Variants in RAD51B observed in about 807,000 individuals in gnomAD.
RAD51B encodes DNA repair protein RAD51 homolog 2.
RAD51B carries 38 observed loss-of-function variants against 42.2 expected under a neutral mutation model. That is an observed-to-expected ratio of 0.90 (90% CI 0.70 to 1.18). The LOEUF is 1.18. Ranked by LOEUF, RAD51B falls within the 50% of genes most tolerant of loss-of-function variation. RAD51B has a pLI of 0.00. For synonymous variants in RAD51B, 154 were observed against 145.2 expected (o/e 1.06, Z -0.43); for missense variants, 373 against 400.7 (o/e 0.93, Z 0.59).
At chr14:68,009,896 A>G (rs139938103) in intron 7 of RAD51B, among the ~76,000 whole-genome samples, 1 of 152,004 alleles carries the variant, frequency 6.6e-6, no homozygotes, top group African/African-American at 2.4e-5. Flanking sequence ...TCTTATTCTC[A>G]TATGTAATAA....
chr14:68,018,754 AC>A (rs1414460310), intron 7 of RAD51B, among the ~76,000 whole-genome samples: 1 of 152,192 alleles, frequency 6.6e-6, no homozygotes, highest in African/African-American at 2.4e-5. Context: ...AAGTAGCAAA[AC>A]CTTTTAAATT....
At chr14:68,182,426 T>C (rs534151524) in intron 7 of RAD51B, among the ~76,000 whole-genome samples, 1 of 152,344 alleles carries the variant, frequency 6.6e-6, no homozygotes, top group East Asian at 1.9e-4. Context: ...AATATGTGAG[T>C]TCTGTAACTT....
chr14:68,128,928 C>G (rs2077829779), intron 7 of RAD51B, among the ~76,000 whole-genome samples: 1 of 152,094 alleles, frequency 6.6e-6, no homozygotes, highest in Admixed American at 6.5e-5. Context: ...AGGTATCTAG[C>G]CTTTTTCTCT....
chr14:68,599,336 T>C (rs938279177), downstream of RAD51B, among the ~76,000 whole-genome samples: 2 of 152,196 alleles, frequency 1.3e-5, no homozygotes, highest in African/African-American at 4.8e-5. Flanking sequence ...AGCATCCTCC[T>C]TCTCCAGCCA....
At chr14:67,860,349 A>G (rs1451033657) in intron 4 of RAD51B, among the ~76,000 whole-genome samples, 1 of 152,234 alleles carries the variant, frequency 6.6e-6, no homozygotes, top group Admixed American at 6.5e-5. Context: ...AAGATGTATC[A>G]GGGAAGATAT....
intron 4 of RAD51B, among the ~76,000 whole-genome samples, chr14:67,857,084 G>C (rs2042019956): frequency 6.6e-6 from 1 of 152,046 alleles, no homozygotes; most frequent in Non-Finnish European, 1.5e-5. Flanking sequence ...TTGGGTGCTA[G>C]AATTCAGAGC....
At chr14:68,595,072 C>G (rs73284054) in exon 11 of RAD51B, 2 of 1,067,960 alleles carry the variant, frequency 1.9e-6, no homozygotes, top group South Asian at 9.0e-5. Context: ...GCTCCTGAGC[C>G]GATGCCTTCC....
chr14:68,302,183 T>C (rs2081754964), intron 8 of RAD51B, among the ~76,000 whole-genome samples: 1 of 152,176 alleles, frequency 6.6e-6, no homozygotes, highest in Non-Finnish European at 1.5e-5. Context: ...TACCATCTGC[T>C]AGGTCATGTG....
chr14:68,180,207 G>A (rs1016604580), intron 7 of RAD51B, among the ~76,000 whole-genome samples: 7 of 152,158 alleles, frequency 4.6e-5, no homozygotes, highest in East Asian at 1.9e-4. Flanking sequence ...CATAGCCTAC[G>A]TGTTTAGAAT....
At position 68,663,078 on chromosome 14, in the gene RAD51B, A is replaced by G. The variant is rs909167042; in HGVS notation, c.*11+12222A>G. On this transcript the variant is annotated intron_variant, in intron 11 of 11. Transcript: ENST00000488612. ...CACTGTGGGAAGCCAAGGTGGGTGG[A>G]TCACCTGAGGTCCGGAGTTTGAGAC... 6.8e-4 allele frequency among the ~76,000 whole-genome samples: 104 copies of G among 152,340 alleles called. 5 individuals are homozygous for G. The highest frequency in any genetic ancestry group is 6.5e-4 in the Admixed American group (10 of 15,302).
chr14:68,490,566 G>A (rs550944221), intron 10 of RAD51B, among the ~76,000 whole-genome samples: 7 of 152,314 alleles, frequency 4.6e-5, no homozygotes, highest in Admixed American at 1.3e-4. Context: ...GCATTTAAAT[G>A]CTAACTCTTC....
At chr14:68,132,784 A>G (rs754504952) in intron 7 of RAD51B, among the ~76,000 whole-genome samples, 11 of 152,214 alleles carry the variant, frequency 7.2e-5, no homozygotes, top group Non-Finnish European at 1.6e-4. Context: ...CATGCACATT[A>G]TGTGAAACAT....
intron 7 of RAD51B, among the ~76,000 whole-genome samples, chr14:68,011,533 G>GTTTA (rs2075683803): frequency 6.6e-6 from 1 of 152,066 alleles, no homozygotes; most frequent in African/African-American, 2.4e-5. Context: ...GTAGCTTTGA[G>GTTTA]TTTAGATGAT....
chr14:68,551,464 G>C (rs953520361), intron 10 of RAD51B, among the ~76,000 whole-genome samples: 6 of 152,170 alleles, frequency 3.9e-5, no homozygotes, highest in African/African-American at 1.4e-4. Flanking sequence ...TTTTGCTTAG[G>C]CTGTTCCCCT....
rs1351637648 is a variant in RAD51B at position 68,037,479 on chromosome 14, A to G, written c.756+150275A>G. Among the ~76,000 whole-genome samples, 4 of 151,848 alleles carry G rather than the reference A, an allele frequency of 2.6e-5. 1 individual carries two copies. Among genetic ancestry groups the G allele is most frequent in the African/African-American group, 4.8e-5 (2 of 41,344 alleles). ...CGTGATCTGCCTGCCTTGGCCTCCC[A>G]AAGTGCTGGAATTACAGGTGTGAGC... On this transcript the variant is annotated intron_variant, in intron 7 of 10. Coordinates refer to ENST00000471583, the MANE Select transcript of RAD51B (RefSeq NM_133510.4).
intron 4 of RAD51B, among the ~76,000 whole-genome samples, chr14:67,851,444 G>A (rs537126604): frequency 6.6e-6 from 1 of 152,262 alleles, no homozygotes; most frequent in South Asian, 2.1e-4. Context: ...AAATGCTCAT[G>A]TAGGGGTCGG....
intron 10 of RAD51B, among the ~76,000 whole-genome samples, chr14:68,587,964 G>A (rs56382633): frequency 0.075 from 11,457 of 152,234 alleles, 580 homozygotes; most frequent in South Asian, 0.22. Context: ...CGCGGGCCTG[G>A]AACCTGCAGC....
At chr14:67,938,697 T>C (rs976293241) in intron 7 of RAD51B, among the ~76,000 whole-genome samples, 1 of 152,244 alleles carries the variant, frequency 6.6e-6, no homozygotes, top group African/African-American at 2.4e-5. Context: ...CTCAATGTCA[T>C]ATTGGCATCT....
intron 10 of RAD51B, among the ~76,000 whole-genome samples, chr14:68,506,674 G>A (rs1432362070): frequency 6.6e-6 from 1 of 152,222 alleles, no homozygotes; most frequent in Non-Finnish European, 1.5e-5. Flanking sequence ...AGCACACCTA[G>A]GCGCTCTCAT....
Sources: allele counts gnomAD v4.1 joint callset (sites outside exome capture counted in the v4.1 genomes callset), GRCh38; gene constraint gnomAD v4.1.1; transcripts MANE v1.5; gene names NCBI Gene and HGNC (gene_info 2026-07-23, HGNC 2026-07-21).